The following PCLO variants were observed in gnomAD, a reference collection of about 807,000 sequenced individuals.
PCLO encodes piccolo presynaptic cytomatrix protein.
In PCLO, 82 loss-of-function variants were observed where a neutral mutation model predicts 427.5. The observed-to-expected ratio is 0.19, with a 90% confidence interval of 0.16 to 0.23. The LOEUF (loss-of-function observed/expected upper bound fraction) is 0.23. Among genes scored for constraint, PCLO ranks in the 10% least tolerant of loss-of-function variants. PCLO has a pLI of 1.00. For missense variants in PCLO, 6,239 were observed against 6,115.9 expected (o/e 1.02, Z -0.67); for synonymous variants, 2,357 against 2,155.4 (o/e 1.09, Z -2.59).
At position 82,956,115 on chromosome 7, in the gene PCLO, C is replaced by A. The variant is rs369016904; in HGVS notation, c.4838G>T (p.Arg1613Leu). The A allele has an allele frequency of 6.2e-7, 1 of 1,609,780 alleles. No homozygotes were observed. ...TTCATCAATGCTTGTGCTACTTTTT[C>A]GAGTCAGTCGTCTGTGTTTCCCTGC... is the stretch of plus-strand genomic sequence containing the variant. ...ITAGKHRRLT[R>L]KSSTSIDEDA... The change falls in exon 5 of 25, where the codon CGA becomes CTA. Residue 1613 changes from arginine (R) to leucine (L), a missense_variant. This residue lies in a region of PCLO where 4,677 missense variants were observed against 4,468.4 expected (regional missense o/e 1.05). Transcript: ENST00000333891.
At chr7:83,025,142 G>A (rs1243202504) in intron 3 of PCLO, among the ~76,000 whole-genome samples, 1 of 152,092 alleles carries the variant, frequency 6.6e-6, no homozygotes, top group East Asian at 1.9e-4. Context: ...GGCTTCAGAC[G>A]ATCAAATTAC....
intron 3 of PCLO, among the ~76,000 whole-genome samples, chr7:83,116,950 T>C (rs1188632445): frequency 6.6e-6 from 1 of 152,176 alleles, no homozygotes; most frequent in Admixed American, 6.5e-5. Context: ...TATCTATCAA[T>C]GGATGAATGA....
At chr7:83,006,964 T>A (rs950269891) in intron 3 of PCLO, among the ~76,000 whole-genome samples, 1 of 151,478 alleles carries the variant, frequency 6.6e-6, no homozygotes. Flanking sequence ...TAGCATGCTA[T>A]ATTTTATGTA....
chr7:82,888,740 T>C (rs1236162207), intron 9 of PCLO, among the ~76,000 whole-genome samples: 1 of 152,186 alleles, frequency 6.6e-6, no homozygotes, highest in Non-Finnish European at 1.5e-5. Context: ...GCTTTGTATA[T>C]ACTCTGGTCC....
chr7:82,971,157 T>C (rs781173409), intron 3 of PCLO, among the ~76,000 whole-genome samples: 5 of 151,808 alleles, frequency 3.3e-5, no homozygotes, highest in Non-Finnish European at 5.9e-5. Flanking sequence ...TCTGGTCCAG[T>C]AGCAACCTGG....
intron 3 of PCLO, among the ~76,000 whole-genome samples, chr7:83,132,491 G>A (rs1320996415): frequency 6.6e-6 from 1 of 151,954 alleles, no homozygotes; most frequent in Admixed American, 6.6e-5. Context: ...AATATAATTT[G>A]CCAACACACA....
At chr7:82,949,370 G>C in intron 6 of PCLO, 106 bp downstream of exon 6, 2 of 788,478 alleles carry the variant, frequency 2.5e-6, no homozygotes, top group Non-Finnish European at 4.2e-6. Context: ...CCCTAATCTA[G>C]TATTAGGTTT....
rs200200318 is a variant in PCLO at position 82,956,385 on chromosome 7, G to A, written c.4568C>T (p.Pro1523Leu). 5.7e-5 allele frequency: 92 copies of A among 1,613,336 alleles called. No individual in the cohort carries two copies. Among genetic ancestry groups the A allele is most frequent in the Non-Finnish European group, 7.2e-5 (85 of 1,179,846 alleles). Residue 1523 changes from proline to leucine, a missense_variant, in exon 5 of 25, where the codon CCT (proline) becomes CTT (leucine). Pro to Leu is a moderately conservative substitution (Grantham distance 98). Around this residue, in one of 5 missense-constraint regions of PCLO, gnomAD observed 4,677 missense variants for 4,468.4 expected, o/e 1.05. Coordinates refer to ENST00000333891, the MANE Select transcript of PCLO (RefSeq NM_033026.6). ...AGTTCTTCGTTTTCTTTGTGGAACAGGTGAGTTTTCACTTTCACTACTCTC... is the reference window on the plus strand; with the variant it reads ...AGTTCTTCGTTTTCTTTGTGGAACAAGTGAGTTTTCACTTTCACTACTCTC... ...VEESSESENS[P>L]VPQRKRRTSV...
chr7:83,134,333 G>A lies in PCLO; in HGVS notation c.3217C>T (p.Pro1073Ser), dbSNP rs766195366. 21 of 1,609,672 alleles carry A rather than the reference G, an allele frequency of 1.3e-5. No individual in the cohort carries two copies. In the African/African-American group the frequency reaches 2.8e-4, roughly 22 times the overall value. ...TCAGTGCAAGTATTGAAGTTAGGAG[G>A]ATCCTTAGAACCTATGTTGAGTTCA... Reference protein sequence around the residue: ...KTELNIGSKDPPNFNTCTECK... With the variant: ...KTELNIGSKDSPNFNTCTECK... The change falls in exon 3 of 25, where the codon CCT becomes TCT. Residue 1073 changes from proline to serine, a missense_variant. Transcript: ENST00000333891.
At position 82,763,437 on chromosome 7, in the gene PCLO, T is replaced by C. The variant is rs150506955; in HGVS notation, c.15008-1944A>G. 3.9e-3 allele frequency among the ~76,000 whole-genome samples: 588 copies of C among 152,136 alleles called. 3 individuals are homozygous for C. The highest frequency in any genetic ancestry group is 0.013 in the African/African-American group (533 of 41,470). ...AACCACATTTCGAGAATCAGTGTTA[T>C]AGAGTATAGTTGAGTAATTTTTGAA... On this transcript the variant is annotated intron_variant, in intron 22 of 24. Transcript: ENST00000333891.
intron 3 of PCLO, among the ~76,000 whole-genome samples, chr7:83,102,153 C>T (rs1790753200): frequency 6.6e-6 from 1 of 151,942 alleles, no homozygotes; most frequent in Non-Finnish European, 1.5e-5. Context: ...GTAAATATCA[C>T]TTGATGTGCC....
At chr7:82,989,118 T>C (rs1037752367) in intron 3 of PCLO, among the ~76,000 whole-genome samples, 8 of 151,922 alleles carry the variant, frequency 5.3e-5, no homozygotes, top group African/African-American at 1.9e-4. Context: ...GCCACTGCGC[T>C]TGGCCAAGGA....
intron 3 of PCLO, among the ~76,000 whole-genome samples, chr7:83,004,267 G>C (rs1787892866): frequency 6.6e-6 from 1 of 151,744 alleles, no homozygotes; most frequent in African/African-American, 2.4e-5. Context: ...ATATTGCAAA[G>C]CTGTGATAGT....
Position 82,848,304 on chromosome 7 carries a change from G to GTTTTTT in PCLO, c.13655-1063_13655-1058dup, listed in dbSNP as rs71522632. 2.6e-4 allele frequency among the ~76,000 whole-genome samples: 22 copies of GTTTTTT among 83,888 alleles called. 2 individuals are homozygous for GTTTTTT. Among genetic ancestry groups the GTTTTTT allele is most frequent in the East Asian group, 1.9e-3 (4 of 2,100 alleles). The allele number at this position is 83,888 out of a possible 152,430, so 55.0% of individuals were successfully genotyped here. ...AATTATGTTGTTGAACCATTAGTTA[G>GTTTTTT]TTTTTTTTTTTTTTTTTTTTTTTTT... On this transcript the variant is annotated intron_variant, in intron 10 of 24. Transcript: ENST00000333891.
At chr7:82,907,789 C>T (rs981787966) in intron 8 of PCLO, among the ~76,000 whole-genome samples, 4 of 151,682 alleles carry the variant, frequency 2.6e-5, no homozygotes, top group Non-Finnish European at 4.4e-5. Flanking sequence ...AAAAACAGAA[C>T]AAAATTCTAA....
chr7:82,804,052 G>A (rs116717484), intron 21 of PCLO, among the ~76,000 whole-genome samples: 335 of 152,206 alleles, frequency 2.2e-3, no homozygotes, highest in African/African-American at 7.7e-3. Flanking sequence ...ATTTTGAAAG[G>A]TGCAGAAAAA....
intron 2 of PCLO, among the ~76,000 whole-genome samples, chr7:83,153,794 A>G (rs937542649): frequency 6.6e-6 from 1 of 151,982 alleles, no homozygotes; most frequent in South Asian, 2.1e-4. Context: ...ACCTATCTCC[A>G]ACCTCATTGC....
chr7:82,877,775 C>T (rs142943510), intron 10 of PCLO, among the ~76,000 whole-genome samples: 5,048 of 152,226 alleles, frequency 0.033, 293 homozygotes, highest in African/African-American at 0.11. Context: ...AAGCCATTCT[C>T]GTGCCTCAGC....
chr7:82,843,605 A>G (rs1204578229), intron 13 of PCLO, among the ~76,000 whole-genome samples: 3 of 152,098 alleles, frequency 2.0e-5, no homozygotes, highest in Non-Finnish European at 4.4e-5. Context: ...TCGGACCACA[A>G]AAAAATAAGT....
Sources: allele counts gnomAD v4.1 joint callset (sites outside exome capture counted in the v4.1 genomes callset), GRCh38; gene constraint gnomAD v4.1.1; regional missense constraint gnomAD v4.1.1; transcripts MANE v1.5; gene names NCBI Gene and HGNC (gene_info 2026-07-23, HGNC 2026-07-21).